USP9X: variants seen among roughly 807,000 people sequenced by gnomAD.
The protein encoded by USP9X is ubiquitin specific peptidase 9 X-linked, also known as ubiquitin carboxyl-terminal hydrolase 9X.
In USP9X, 7 loss-of-function variants were observed where a neutral mutation model predicts 190.3. That is an observed-to-expected ratio of 0.04 (90% CI 0.02 to 0.07). The LOEUF is 0.07. Ranked by LOEUF, USP9X falls within the 10% of genes least tolerant of loss-of-function variation. USP9X has a pLI of 1.00. For missense variants in USP9X, 1,010 were observed against 1,916.9 expected (o/e 0.53, Z 8.83); for synonymous variants, 645 against 659.5 (o/e 0.98, Z 0.34).
At chrX:41,096,826 A>G (rs924170709) in intron 1 of USP9X, among the ~76,000 whole-genome samples, 1 of 112,116 alleles carries the variant, frequency 8.9e-6, no homozygotes, top group African/African-American at 3.2e-5. Flanking sequence ...CTGTAAAACC[A>G]AGATGTTGGG....
chrX:41,212,798 T>C (rs887495), intron 33 of USP9X, among the ~76,000 whole-genome samples: 15,330 of 111,067 alleles, frequency 0.14, 975 homozygotes, highest in East Asian at 0.22. Context: ...AATGATTGGG[T>C]GAGAGGTAAT....
At chrX:41,230,361 CA>C in intron 43 of USP9X, 139 bp from the exon 44 acceptor site, 1 of 459,290 alleles carries the variant, frequency 2.2e-6, no homozygotes, top group Non-Finnish European at 3.5e-6. Context: ...GTTTTTTCCC[CA>C]AGTTCTTTAT....
chrX:41,089,903 G>GTTTTTT (rs139093155), intron 1 of USP9X, among the ~76,000 whole-genome samples: 1,641 of 30,437 alleles, frequency 0.054, 215 homozygotes, highest in Admixed American at 0.085. Flanking sequence ...ATCTATGAGG[G>GTTTTTT]TTTTTTTTTT....
At chrX:41,134,688 CATT>C in intron 4 of USP9X, 34 bp from the exon 5 acceptor site, 1 of 1,132,782 alleles carries the variant, frequency 8.8e-7, no homozygotes, top group Admixed American at 2.2e-5. Flanking sequence ...ACCAGATGAA[CATT>C]TTGTTTGCAT....
At chrX:41,203,926 G>A (rs759447724) in intron 31 of USP9X, among the ~76,000 whole-genome samples, 36 of 111,647 alleles carry the variant, frequency 3.2e-4, no homozygotes, top group African/African-American at 1.1e-3. Context: ...TCGAACTCCT[G>A]ATTTCAGGTG....
chrX:41,170,408 T>G, intron 19 of USP9X, 62 bp from the exon 20 acceptor site: 1 of 1,156,091 alleles, frequency 8.6e-7, no homozygotes, highest in Non-Finnish European at 1.2e-6. Context: ...TATCACTAAG[T>G]TTTGTGTTTT....
chrX:41,160,336 A>G (rs2062618886), intron 14 of USP9X, among the ~76,000 whole-genome samples: 1 of 109,259 alleles, frequency 9.2e-6, no homozygotes, highest in Non-Finnish European at 1.9e-5. Context: ...ATATATATAT[A>G]AATTTGTCTT....
At position 41,161,635 on chromosome X, in the gene USP9X, C is replaced by CT. The variant is rs759623425; in HGVS notation, c.1898-1132dup. Among the ~76,000 whole-genome samples the CT allele has an allele frequency of 5.7e-3, 268 of 47,388 alleles. 16 individuals carry two copies. Among genetic ancestry groups the CT allele is most frequent in the South Asian group, 0.017 (12 of 700 alleles). 41.2% of individuals were successfully genotyped at this position (47,388 alleles called of 115,157 possible). A position where few individuals can be genotyped will look rare whatever the true frequency, so the allele number is the denominator to read the frequency against. ...ACAGGCGTGAGCCATGGCGCCCTGCCTTTTTTTTTTTTTTTTTTTTTTTAA... is the reference window on the plus strand; with the variant it reads ...ACAGGCGTGAGCCATGGCGCCCTGCCTTTTTTTTTTTTTTTTTTTTTTTTAA... On this transcript the variant is annotated intron_variant, in intron 14 of 44. Coordinates refer to ENST00000378308, the MANE Select transcript of USP9X (RefSeq NM_001039591.3).
At chrX:41,157,681 GGTT>G (rs1001046786) in intron 14 of USP9X, among the ~76,000 whole-genome samples, 5 of 111,533 alleles carry the variant, frequency 4.5e-5, no homozygotes, top group African/African-American at 6.5e-5. Flanking sequence ...TCAGTATTCA[GGTT>G]GTTGTTGCAT....
At chrX:41,112,599 G>A (rs1306155090) in intron 1 of USP9X, among the ~76,000 whole-genome samples, 1 of 111,298 alleles carries the variant, frequency 9.0e-6, no homozygotes, top group African/African-American at 3.3e-5. Flanking sequence ...ACTAAGAACT[G>A]GAAAGGAGCC....
At chrX:41,086,203 G>A (rs2061909243) in intron 1 of USP9X, 94 bp downstream of exon 1, 2 of 291,293 alleles carry the variant, frequency 6.9e-6, no homozygotes, top group Non-Finnish European at 1.2e-5. Flanking sequence ...GTGCGTGTGT[G>A]CGAGCCTCTT....
intron 32 of USP9X, among the ~76,000 whole-genome samples, chrX:41,207,883 C>T (rs888479248): frequency 3.6e-5 from 4 of 110,672 alleles, no homozygotes; most frequent in Admixed American, 1.9e-4. Flanking sequence ...CTTTTAGTCC[C>T]GTCACCCAGC....
At chrX:41,193,506 T>C (rs1313811710) in intron 26 of USP9X, among the ~76,000 whole-genome samples, 1 of 108,699 alleles carries the variant, frequency 9.2e-6, no homozygotes, top group African/African-American at 3.4e-5. Flanking sequence ...CTAAAGAAAA[T>C]AGAAAAAATA....
chrX:41,209,763 T>C (rs1237532934), intron 32 of USP9X, among the ~76,000 whole-genome samples: 2 of 112,501 alleles, frequency 1.8e-5, no homozygotes, highest in Admixed American at 1.9e-4. Flanking sequence ...GATCAGATTA[T>C]TTGCTATGTA....
chrX:41,193,421 G>A (rs747544572), intron 26 of USP9X, among the ~76,000 whole-genome samples: 106 of 111,725 alleles, frequency 9.5e-4, no homozygotes, highest in Middle Eastern at 9.1e-3. Flanking sequence ...CCAGCACTTT[G>A]GGAGGCCAAG....
intron 21 of USP9X, among the ~76,000 whole-genome samples, chrX:41,182,950 T>C (rs112216517): frequency 9.2e-6 from 1 of 108,997 alleles, no homozygotes; most frequent in African/African-American, 3.3e-5. Context: ...TTTTTTTTTT[T>C]TTCTGGAGAT....
chrX:41,131,625 T>C (rs1569161279), intron 4 of USP9X, 89 bp downstream of exon 4: 1 of 847,950 alleles, frequency 1.2e-6, no homozygotes, highest in East Asian at 3.4e-5. Context: ...GGATTTGTTT[T>C]CCTCCATCAT....
Position 41,223,212 on chromosome X carries a change from T to C in USP9X, c.6566-5T>C. On this transcript the variant is annotated splice_region_variant and splice_polypyrimidine_tract_variant and intron_variant, in intron 38 of 44. Transcript: ENST00000378308. The stretch of plus-strand genomic sequence containing the variant: ...TCTTCTCCCCTTCACTCCTTTTTGT[T>C]GTAGGTGTGGCAGAGAAGACACAGC... 1 of 1,207,995 alleles carries C rather than the reference T, an allele frequency of 8.3e-7. No homozygotes were observed. The highest frequency in any genetic ancestry group is 1.1e-6 in the Non-Finnish European group (1 of 893,940).
intron 1 of USP9X, among the ~76,000 whole-genome samples, chrX:41,092,958 G>A (rs188726696): frequency 7.2e-4 from 80 of 110,855 alleles, no homozygotes; most frequent in Non-Finnish European, 1.3e-3. Flanking sequence ...TTGTAGCCTG[G>A]AATTCCTGGG....
Sources: allele counts gnomAD v4.1 joint callset (sites outside exome capture counted in the v4.1 genomes callset), GRCh38; gene constraint gnomAD v4.1.1; transcripts MANE v1.5; gene names NCBI Gene and HGNC (gene_info 2026-07-23, HGNC 2026-07-21).